The following DLG1 variants were observed in gnomAD, a reference collection of about 807,000 sequenced individuals.
The protein encoded by DLG1 is discs large MAGUK scaffold protein 1, also known as disks large homolog 1.
In DLG1, 42 loss-of-function variants were observed where a neutral mutation model predicts 123.4. That is an observed-to-expected ratio of 0.34 (90% CI 0.27 to 0.44). DLG1 has a LOEUF of 0.44. Ranked by LOEUF, DLG1 falls within the 20% of genes least tolerant of loss-of-function variation. DLG1 has a pLI of 1.00. For missense variants in DLG1, 942 were observed against 1,082.6 expected (o/e 0.87, Z 1.82); for synonymous variants, 317 against 356.2 (o/e 0.89, Z 1.24).
intron 4 of DLG1, among the ~76,000 whole-genome samples, chr3:197,253,759 T>C (rs537721855): frequency 1.8e-4 from 27 of 152,244 alleles, no homozygotes; most frequent in African/African-American, 6.3e-4. Context: ...GTGACAGAAA[T>C]GTTCTGTAGT....
rs574010788 is a variant in DLG1, at chr3:197,099,249, C to T, written c.1546+5654G>A. 4.6e-5 allele frequency among the ~76,000 whole-genome samples: 7 copies of T among 152,278 alleles called. No homozygotes were observed. The South Asian group carries it at 1.0e-3, about 23-fold the overall frequency. On this transcript the variant is annotated intron_variant, in intron 14 of 24. Coordinates refer to ENST00000667157, the MANE Select transcript of DLG1 (RefSeq NM_001366207.1). ...CCCAGCTCATTTTTAAAATTACTTG[C>T]AGCGACAGGGTGTCCTATGTTACCC...
chr3:197,095,985 G>C (rs1760429302), intron 14 of DLG1, among the ~76,000 whole-genome samples: 1 of 152,070 alleles, frequency 6.6e-6, no homozygotes, highest in African/African-American at 2.4e-5. Flanking sequence ...CTGACTCCTG[G>C]GGAACCTGCC....
intron 4 of DLG1, among the ~76,000 whole-genome samples, chr3:197,220,495 C>A (rs1311155765): frequency 6.6e-6 from 1 of 152,068 alleles, no homozygotes; most frequent in Non-Finnish European, 1.5e-5. Flanking sequence ...CAGTGTAGTT[C>A]TAAATGGATA....
intron 11 of DLG1, among the ~76,000 whole-genome samples, chr3:197,120,122 C>T (rs954434360): frequency 6.6e-6 from 1 of 151,888 alleles, no homozygotes; most frequent in Non-Finnish European, 1.5e-5. Flanking sequence ...ATTAGCCAGA[C>T]TTGGTGGTGT....
At chr3:197,142,406 A>C (rs988371186) in intron 7 of DLG1, among the ~76,000 whole-genome samples, 1 of 152,124 alleles carries the variant, frequency 6.6e-6, no homozygotes, top group Non-Finnish European at 1.5e-5. Context: ...TCTTAGTTGA[A>C]ATAAATGTAC....
intron 11 of DLG1, among the ~76,000 whole-genome samples, chr3:197,128,837 G>GTT (rs369511144): frequency 6.8e-6 from 1 of 147,910 alleles, no homozygotes; most frequent in Admixed American, 6.8e-5. Context: ...TGAAAGGAGT[G>GTT]TTTTTTTTTT....
chr3:197,110,995 T>C (rs2149361320), intron 13 of DLG1, among the ~76,000 whole-genome samples: 1 of 152,298 alleles, frequency 6.6e-6, no homozygotes, highest in South Asian at 2.1e-4. Context: ...GTTCCAAGGA[T>C]ACACGGAGGT....
intron 14 of DLG1, among the ~76,000 whole-genome samples, chr3:197,096,226 C>T (rs527334455): frequency 1.3e-5 from 2 of 152,182 alleles, no homozygotes; most frequent in Non-Finnish European, 2.9e-5. Flanking sequence ...AGTTCTAATC[C>T]AGTATTACAG....
intron 3 of DLG1, among the ~76,000 whole-genome samples, chr3:197,287,272 C>A (rs1033029789): frequency 6.6e-6 from 1 of 152,090 alleles, no homozygotes; most frequent in African/African-American, 2.4e-5. Flanking sequence ...CTATTAATTT[C>A]TTAAACTGCA....
intron 11 of DLG1, among the ~76,000 whole-genome samples, chr3:197,123,944 G>A (rs1401315517): frequency 1.3e-5 from 2 of 152,154 alleles, no homozygotes; most frequent in Non-Finnish European, 2.9e-5. Flanking sequence ...CTGAATATAT[G>A]TTTTAATTCA....
At chr3:197,232,728 C>A (rs1743883015) in intron 4 of DLG1, among the ~76,000 whole-genome samples, 1 of 151,164 alleles carries the variant, frequency 6.6e-6, no homozygotes, top group African/African-American at 2.4e-5. Context: ...ACAGTTGATC[C>A]TAAAATTACC....
intron 18 of DLG1, 50 bp downstream of exon 18, chr3:197,076,536 A>G: frequency 1.5e-6 from 2 of 1,363,658 alleles, no homozygotes; most frequent in South Asian, 1.2e-5. Flanking sequence ...GCAGGGCAGT[A>G]GGTCCCTCTC....
intron 24 of DLG1, among the ~76,000 whole-genome samples, chr3:197,048,854 G>T (rs1030363917): frequency 1.3e-5 from 2 of 151,928 alleles, no homozygotes; most frequent in Admixed American, 6.6e-5. Flanking sequence ...AAGGGGTTTC[G>T]CCATGTTGGT....
At chr3:197,069,289 A>G in intron 18 of DLG1, 29 bp from the exon 19 acceptor site, 3 of 1,530,706 alleles carry the variant, frequency 2.0e-6, no homozygotes, top group Non-Finnish European at 2.7e-6. Context: ...GAAAAAAAAT[A>G]AAACAGTGTC....
chr3:197,074,977 G>T (rs2148989029), intron 18 of DLG1, among the ~76,000 whole-genome samples: 1 of 151,956 alleles, frequency 6.6e-6, no homozygotes, highest in African/African-American at 2.4e-5. Flanking sequence ...TAAATAGAAA[G>T]AACCATTTAG....
intron 11 of DLG1, among the ~76,000 whole-genome samples, chr3:197,127,439 AAAAAAAAAAAAAAAAAAAATATATATAT>A (rs1387263453): frequency 8.7e-4 from 35 of 40,208 alleles, no homozygotes; most frequent in Non-Finnish European, 1.2e-3. Flanking sequence ...AAAAAAAAAA[AAAAAAAAAAAAAAAAAAAATATATATAT>A]ATATATATAT....
chr3:197,290,688 A>T (rs1443132963), intron 3 of DLG1, among the ~76,000 whole-genome samples: 1 of 152,096 alleles, frequency 6.6e-6, no homozygotes, highest in Non-Finnish European at 1.5e-5. Context: ...CACACCTGTA[A>T]TCCCAGAACT....
intron 3 of DLG1, among the ~76,000 whole-genome samples, chr3:197,292,145 G>A (rs771248745): frequency 3.9e-5 from 6 of 152,106 alleles, no homozygotes; most frequent in Non-Finnish European, 7.4e-5. Flanking sequence ...TGAAAGCAGG[G>A]TCTTGAAGAA....
intron 4 of DLG1, among the ~76,000 whole-genome samples, chr3:197,235,526 G>A: frequency 6.6e-6 from 1 of 152,204 alleles, no homozygotes. Context: ...GTAGTAATCA[G>A]TGGACACTCC....
Sources: allele counts gnomAD v4.1 joint callset (sites outside exome capture counted in the v4.1 genomes callset), GRCh38; gene constraint gnomAD v4.1.1; transcripts MANE v1.5; gene names NCBI Gene and HGNC (gene_info 2026-07-23, HGNC 2026-07-21).